The following DNAI4 variants were observed in gnomAD, a reference collection of about 807,000 sequenced individuals.
DNAI4 encodes dynein axonemal intermediate chain 4, also known as WD repeat domain 78.
DNAI4 carries 85 observed loss-of-function variants against 105.8 expected under a neutral mutation model. That is an observed-to-expected ratio of 0.80 (90% CI 0.67 to 0.96). DNAI4 has a LOEUF of 0.96. Ranked by LOEUF, DNAI4 falls within the 40% of genes least tolerant of loss-of-function variation. The pLI is 0.00. For synonymous variants in DNAI4, 352 were observed against 331.5 expected (o/e 1.06, Z -0.67); for missense variants, 1,014 against 1,005.6 (o/e 1.01, Z -0.11).
chr1:66,879,830 T>A (rs184617358), intron 4 of DNAI4, among the ~76,000 whole-genome samples: 1 of 152,188 alleles, frequency 6.6e-6, no homozygotes, highest in African/African-American at 2.4e-5. Flanking sequence ...TCTTTTTTGA[T>A]GAAGTGTTTG....
At chr1:66,836,208 G>A (rs1286910971) in intron 10 of DNAI4, among the ~76,000 whole-genome samples, 3 of 46,812 alleles carry the variant, frequency 6.4e-5, no homozygotes, top group Admixed American at 5.0e-4. Context: ...AAGAAAGAAA[G>A]AGAGAGAGAG....
intron 16 of DNAI4, among the ~76,000 whole-genome samples, chr1:66,821,389 G>C (rs138784706): frequency 2.2e-4 from 33 of 152,122 alleles, no homozygotes; most frequent in African/African-American, 7.7e-4. Flanking sequence ...ATAAGCCACC[G>C]TGCCCAGCCT....
chr1:66,857,908 T>G (rs1224327403), intron 7 of DNAI4, among the ~76,000 whole-genome samples: 1 of 151,970 alleles, frequency 6.6e-6, no homozygotes, highest in African/African-American at 2.4e-5. Flanking sequence ...AATGTATAAC[T>G]TAGATTGAAA....
At position 66,905,299 on chromosome 1, in the gene DNAI4, C is replaced by T; in HGVS notation, c.247G>A (p.Gly83Ser). 8 of 1,554,288 alleles carry T rather than the reference C, an allele frequency of 5.1e-6. No homozygotes were observed. The highest frequency in any genetic ancestry group is 7.0e-6 in the Non-Finnish European group (8 of 1,141,298). Residue 83 changes from glycine to serine, a missense_variant, in exon 2 of 17, where the codon GGT (glycine) becomes AGT (serine). By Grantham distance (56) the Gly-to-Ser change is moderately conservative. Transcript: ENST00000371026. ...ACAGCCATTCTGCTTTGATTTGCAC[C>T]AGTATATCCTTTCACTGAAGTTGCT... Reference protein sequence around the residue: ...MKATSVKGYTGANQSRMAVSK... With the variant: ...MKATSVKGYTSANQSRMAVSK...
chr1:66,844,760 T>TA (rs1206408663), intron 8 of DNAI4, among the ~76,000 whole-genome samples: 3 of 151,794 alleles, frequency 2.0e-5, no homozygotes, highest in Non-Finnish European at 4.4e-5. Context: ...TTCGCAAAAA[T>TA]AAAAAACTTC....
At chr1:66,924,627 G>C (rs1481069804) in intron 1 of DNAI4, 35 bp downstream of exon 1, 1 of 1,613,998 alleles carries the variant, frequency 6.2e-7, no homozygotes, top group African/African-American at 1.3e-5. Flanking sequence ...CGGGTCCCAG[G>C]GGGATGGACT....
intron 5 of DNAI4, among the ~76,000 whole-genome samples, chr1:66,873,196 CTCTCCCTCTCCT>C (rs1416505519): frequency 6.6e-6 from 1 of 150,676 alleles, no homozygotes; most frequent in Non-Finnish European, 1.5e-5. Context: ...CTCCTTCTCC[CTCTCCCTCTCCT>C]TCTCCCTCCT....
rs1014295933 is a variant in DNAI4 at position 66,813,114 on chromosome 1, G to T, written c.*1016C>A. 1 of 152,324 alleles carries T rather than the reference G, an allele frequency of 6.6e-6. No individual in the cohort carries two copies. Among genetic ancestry groups the T allele is most frequent in the African/African-American group, 2.4e-5 (1 of 41,446 alleles). 9.4% of individuals were successfully genotyped at this position (152,324 alleles called of 1,614,324 possible). On this transcript the variant is annotated 3_prime_UTR_variant, in exon 17 of 17. Transcript: ENST00000371026. ...AAGCAATGGATACTTGTAAAAGGTAGTTCCCACTGTTGCACTGATTCCAGT... is the reference window on the plus strand; with the variant it reads ...AAGCAATGGATACTTGTAAAAGGTATTTCCCACTGTTGCACTGATTCCAGT...
At chr1:66,835,828 G>C in intron 10 of DNAI4, 51 bp from the exon 11 acceptor site, 1 of 1,545,468 alleles carries the variant, frequency 6.5e-7, no homozygotes, top group East Asian at 2.2e-5. Context: ...ACCACAGTAA[G>C]GCAGAATATA....
intron 16 of DNAI4, among the ~76,000 whole-genome samples, chr1:66,818,930 A>G (rs1645571738): frequency 6.6e-6 from 1 of 152,104 alleles, no homozygotes; most frequent in Non-Finnish European, 1.5e-5. Context: ...AGAAATAAGA[A>G]ATAAATTGTT....
At chr1:66,820,862 C>T (rs1222303975) in intron 16 of DNAI4, among the ~76,000 whole-genome samples, 3 of 152,008 alleles carry the variant, frequency 2.0e-5, no homozygotes, top group African/African-American at 7.2e-5. Flanking sequence ...GGACAGAACT[C>T]TACCTCCTAC....
intron 1 of DNAI4, among the ~76,000 whole-genome samples, chr1:66,910,067 G>T (rs1441671468): frequency 6.6e-6 from 1 of 152,030 alleles, no homozygotes; most frequent in East Asian, 1.9e-4. Flanking sequence ...ACATGTAAGG[G>T]TTGGGCACAG....
intron 7 of DNAI4, chr1:66,860,847 A>G (rs1355764980): frequency 2.0e-5 from 3 of 152,190 alleles, no homozygotes; most frequent in Non-Finnish European, 4.4e-5. Flanking sequence ...AACCTATTGT[A>G]TAGACATTCA....
At position 66,874,894 on chromosome 1, in the gene DNAI4, T is replaced by G. The variant is rs1237099821; in HGVS notation, c.687A>C (p.Lys229Asn). 1 of 1,612,502 alleles carries G rather than the reference T, an allele frequency of 6.2e-7. No homozygotes were observed. Among genetic ancestry groups the G allele is most frequent in the African/African-American group, 1.3e-5 (1 of 74,916 alleles). ...TCTCTATATTCTTCTCCAGGTCTTC[T>G]TTTGTTACAATTTTTTCAGGTGCTG... is the stretch of plus-strand genomic sequence containing the variant. The part of the protein sequence containing the change: ...IRAAPEKIVT[K>N]EDLEKNIEII... Residue 229 changes from lysine (K) to asparagine (N), a missense_variant, in exon 5 of 17, where the codon AAA becomes AAC. By Grantham distance (94) the Lys-to-Asn change is moderately conservative. Coordinates refer to ENST00000371026, the MANE Select transcript of DNAI4 (RefSeq NM_024763.5).
At chr1:66,893,013 G>GAGAGA (rs1363213870) in intron 3 of DNAI4, among the ~76,000 whole-genome samples, 3 of 106,750 alleles carry the variant, frequency 2.8e-5, no homozygotes, top group Admixed American at 1.0e-4. Flanking sequence ...AAGAGAGAGA[G>GAGAGA]GAAAGAAAGA....
At chr1:66,918,407 C>T (rs1192663884) in intron 1 of DNAI4, among the ~76,000 whole-genome samples, 1 of 152,174 alleles carries the variant, frequency 6.6e-6, no homozygotes, top group African/African-American at 2.4e-5. Context: ...CAATTTTCTT[C>T]CTTCTTTTTT....
At chr1:66,837,863 A>G in intron 9 of DNAI4, 67 bp from the exon 10 acceptor site, 1 of 1,375,728 alleles carries the variant, frequency 7.3e-7, no homozygotes, top group Non-Finnish European at 1.0e-6. Context: ...AAATGTATAA[A>G]GATATATATT....
At chr1:66,923,283 TAC>T (rs1182802141) in intron 1 of DNAI4, among the ~76,000 whole-genome samples, 1 of 152,362 alleles carries the variant, frequency 6.6e-6, no homozygotes, top group East Asian at 1.9e-4. Context: ...AGCTTAGGTG[TAC>T]AGTCTACTAT....
At position 66,923,420 on chromosome 1, in the gene DNAI4, T is replaced by C. The variant is rs561334088; in HGVS notation, c.170+1242A>G. Among the ~76,000 whole-genome samples, 9 of 152,306 alleles carry C rather than the reference T, an allele frequency of 5.9e-5. No individual in the cohort carries two copies. The East Asian group carries it at 1.5e-3, about 26-fold the overall frequency. On this transcript the variant is annotated intron_variant, in intron 1 of 16. Coordinates refer to ENST00000371026, the MANE Select transcript of DNAI4 (RefSeq NM_024763.5). Reference sequence around the variant, plus strand: ...CTCAGAAGGTATCACCATCGATGCATGACTGTATTTAGTTATGGTAGTGAG... The same window carrying C: ...CTCAGAAGGTATCACCATCGATGCACGACTGTATTTAGTTATGGTAGTGAG...
Sources: allele counts gnomAD v4.1 joint callset (sites outside exome capture counted in the v4.1 genomes callset), GRCh38; gene constraint gnomAD v4.1.1; transcripts MANE v1.5; gene names NCBI Gene and HGNC (gene_info 2026-07-23, HGNC 2026-07-21).